The following PTPRH variants were observed in gnomAD, a reference collection of about 807,000 sequenced individuals.
The protein encoded by PTPRH is receptor-type tyrosine-protein phosphatase H.
A neutral mutation model predicts 130.2 loss-of-function variants in PTPRH; 113 were observed. The observed-to-expected ratio is 0.87, with a 90% CI of 0.75 to 1.01. PTPRH has a LOEUF of 1.01. Among genes scored for constraint, PTPRH ranks in the 50% least tolerant of loss-of-function variants. PTPRH has a pLI of 0.00. For missense variants in PTPRH, 1,430 were observed against 1,425.0 expected, an observed-to-expected ratio of 1.00 and a Z score of -0.06; for synonymous variants, 556 against 577.9, an observed-to-expected ratio of 0.96 and a Z score of 0.54.
rs780441443 is a variant in PTPRH at position 55,209,099 on chromosome 19, C to T, written c.51+284G>A. Among the ~76,000 whole-genome samples the T allele has an allele frequency of 6.6e-6, 1 of 151,944 alleles. No individual in the cohort carries two copies. Among genetic ancestry groups the T allele is most frequent in the Non-Finnish European group, 1.5e-5 (1 of 67,956 alleles). On this transcript the variant is annotated intron_variant, in intron 1 of 19. Coordinates refer to ENST00000376350, the MANE Select transcript of PTPRH (RefSeq NM_002842.5). The surrounding 1 kb of genome is among the most constrained non-coding windows in gnomAD (Gnocchi z 4.1). ...AAGCCAGTGTCCCCCGCAGCAGACACGACAGTGTCTAAGGGCCCGGGTGAA... is the reference window on the plus strand; with the variant it reads ...AAGCCAGTGTCCCCCGCAGCAGACATGACAGTGTCTAAGGGCCCGGGTGAA...
chr19:55,187,098 C>A (rs1386985355), intron 14 of PTPRH, among the ~76,000 whole-genome samples: 1 of 150,096 alleles, frequency 6.7e-6, no homozygotes, highest in East Asian at 2.0e-4. Flanking sequence ...GTAATCCCAG[C>A]ACTTTGGGAG....
In PTPRH at chr19:55,186,550, G is replaced by A. The variant is rs1230423223; in HGVS notation, c.2567-10C>T. 2 of 1,361,636 alleles carry A rather than the reference G, an allele frequency of 1.5e-6. No homozygotes were observed. Among genetic ancestry groups the A allele is most frequent in the East Asian group, 3.3e-5 (1 of 30,688 alleles). 84.3% of individuals were successfully genotyped at this position (1,361,636 alleles called of 1,614,324 possible). A position where few individuals can be genotyped will look rare whatever the true frequency, so the allele number is the denominator to read the frequency against. On this transcript the variant is annotated splice_polypyrimidine_tract_variant and intron_variant, in intron 14 of 19. Transcript: ENST00000376350. ...ACCCGGGACCAGTCATCTAGGAGAA[G>A]AGGCCAGCATTAGCCAGGCAGAGAG...
intron 12 of PTPRH, 27 bp from the exon 13 acceptor site, chr19:55,188,195 A>C (rs1167200385): frequency 5.0e-5 from 78 of 1,572,682 alleles, no homozygotes; most frequent in Non-Finnish European, 6.8e-5. Flanking sequence ...AGCAGGGAGA[A>C]AAGACCGTAA....
In PTPRH at chr19:55,187,610, A is replaced by G; in HGVS notation, c.2476-7T>C. On this transcript the variant is annotated splice_region_variant and splice_polypyrimidine_tract_variant and intron_variant, in intron 13 of 19. Transcript: ENST00000376350. ...GGCCCACCAGGGAGAGTTGCTGGGG[A>G]TGCAGGGAGAGGGGGTACCTGGTGT... 2 of 1,604,254 alleles carry G rather than the reference A, an allele frequency of 1.2e-6. No homozygotes were observed. Among genetic ancestry groups the G allele is most frequent in the Non-Finnish European group, 1.7e-6 (2 of 1,171,588 alleles).
chr19:55,200,162 G>A, intron 7 of PTPRH, 74 bp downstream of exon 7: 1 of 1,542,518 alleles, frequency 6.5e-7, no homozygotes, highest in Middle Eastern at 2.3e-4. Context: ...CCAGAGCCCA[G>A]AAGAGGTGCC....
chr19:55,185,378 A>G, intron 18 of PTPRH, 124 bp downstream of exon 18: 5 of 1,055,934 alleles, frequency 4.7e-6, no homozygotes, highest in Non-Finnish European at 6.7e-6. Context: ...TATCTTCCAC[A>G]TCCACCTCCT....
chr19:55,197,633 C>A (rs1460806127), intron 8 of PTPRH, among the ~76,000 whole-genome samples: 2 of 152,152 alleles, frequency 1.3e-5, no homozygotes, highest in African/African-American at 4.8e-5. Context: ...TGGGTCCCAC[C>A]CTGTCATCTT....
At chr19:55,195,125 G>C (rs181888563) in intron 10 of PTPRH, among the ~76,000 whole-genome samples, 20 of 152,264 alleles carry the variant, frequency 1.3e-4, no homozygotes, top group Admixed American at 6.5e-5. Flanking sequence ...AGGAGTTTGA[G>C]ACCAGCCTGG....
chr19:55,200,960 C>A (rs201456399), intron 6 of PTPRH, among the ~76,000 whole-genome samples: 11 of 99,070 alleles, frequency 1.1e-4, no homozygotes, highest in Admixed American at 7.2e-4. Flanking sequence ...ACAAAAAAAA[C>A]AAACAAAAAA....
At chr19:55,203,069 C>T (rs2086917372) in intron 5 of PTPRH, among the ~76,000 whole-genome samples, 1 of 151,690 alleles carries the variant, frequency 6.6e-6, no homozygotes, top group Non-Finnish European at 1.5e-5. Context: ...TGGCTCACGC[C>T]TGTAATCCCA....
intron 14 of PTPRH, among the ~76,000 whole-genome samples, chr19:55,187,294 G>A (rs559340889): frequency 1.6e-5 from 2 of 123,888 alleles, no homozygotes; most frequent in African/African-American, 3.3e-5. Context: ...GCAGTGAGCC[G>A]AGATCGCGCC....
chr19:55,209,295 C>T lies in PTPRH; in HGVS notation c.51+88G>A. On this transcript the variant is annotated intron_variant, in intron 1 of 19. Transcript: ENST00000376350. This position sits in a 1 kb window ranked among gnomAD's most constrained non-coding sequence, Gnocchi z 4.1. Reference sequence around the variant, plus strand: ...AGGGGATCTTCAGCACCTACTTCCTCAAGATCGAGGTGCAGGCACCCAGCT... The same window carrying T: ...AGGGGATCTTCAGCACCTACTTCCTTAAGATCGAGGTGCAGGCACCCAGCT... 1 of 1,158,748 alleles carries T rather than the reference C, an allele frequency of 8.6e-7. No homozygotes were observed. The highest frequency in any genetic ancestry group is 1.3e-5 in the South Asian group (1 of 76,134). 71.8% of individuals were successfully genotyped at this position (1,158,748 alleles called of 1,614,324 possible). A position where few individuals can be genotyped will look rare whatever the true frequency, so the allele number is the denominator to read the frequency against.
rs139889051 is a variant in PTPRH at position 55,197,284 on chromosome 19, G to A, written c.1823C>T (p.Pro608Leu). The stretch of plus-strand genomic sequence containing the variant: ...CGCTTGGGGATCTTGCCCCCTCCGG[G>A]GATGTCCCTTGCTGGCCCACTGGAC... ...YWVQWASKGH[P>L]RRGQDPQANW... Residue 608 changes from proline (P) to leucine (L), a missense_variant, in exon 9 of 20, where the codon CCC (proline) becomes CTC (leucine). By Grantham distance (98) the Pro-to-Leu change is moderately conservative. Coordinates refer to ENST00000376350, the MANE Select transcript of PTPRH (RefSeq NM_002842.5). 76 of 1,614,230 alleles carry A rather than the reference G, an allele frequency of 4.7e-5. No individual in the cohort carries two copies. In the African/African-American group the frequency reaches 9.2e-4, roughly 20 times the overall value.
intron 6 of PTPRH, 110 bp from the exon 7 acceptor site, chr19:55,200,612 G>A: frequency 8.5e-7 from 1 of 1,179,348 alleles, no homozygotes; most frequent in Non-Finnish European, 1.2e-6. Context: ...AACTGCTGGT[G>A]CCAGCAGATG....
At chr19:55,193,695 G>A (rs369374732) in intron 10 of PTPRH, among the ~76,000 whole-genome samples, 21 of 152,240 alleles carry the variant, frequency 1.4e-4, no homozygotes, top group African/African-American at 4.3e-4. Context: ...GTGCCGAGGC[G>A]GGGGAAACAC....
intron 3 of PTPRH, 120 bp downstream of exon 3, chr19:55,206,569 G>C (rs555193904): frequency 2.5e-4 from 261 of 1,039,062 alleles, no homozygotes; most frequent in Non-Finnish European, 3.2e-4. Flanking sequence ...AAATTCTCAC[G>C]TGTGGCTTCC....
chr19:55,185,640 G>C lies in PTPRH; in HGVS notation c.2924C>G (p.Ser975Cys). Residue 975 changes from serine (S) to cysteine (C), a missense_variant, in exon 18 of 20, where the codon TCT becomes TGT. Coordinates refer to ENST00000376350, the MANE Select transcript of PTPRH (RefSeq NM_002842.5). ...GGCCTGGTAGTGGAATTGGCGCACA[G>C]ACAGTGTCTTCTGCTCCTCCACCTG... ...LLQVEEQKTL[S>C]VRQFHYQAWP... 6.2e-7 allele frequency: 1 copy of C among 1,614,144 alleles called. No individual in the cohort carries two copies. The highest frequency in any genetic ancestry group is 8.5e-7 in the Non-Finnish European group (1 of 1,179,998).
In PTPRH at chr19:55,206,678, C is replaced by G. The variant is rs769907037; in HGVS notation, c.352+11G>C. 5.7e-6 allele frequency: 9 copies of G among 1,573,186 alleles called. No individual in the cohort carries two copies. The Admixed American group carries it at 1.6e-4, about 28-fold the overall frequency. ...AAAAGAAATAAAAATAAAGCAGTGG[C>G]TGCCTCTTACCTGTGGCAGTAGTGA... On this transcript the variant is annotated intron_variant, in intron 3 of 19. Transcript: ENST00000376350.
chr19:55,187,801 C>T (rs114598811), intron 13 of PTPRH, among the ~76,000 whole-genome samples, 198 bp from the exon 14 acceptor site: 2,645 of 152,028 alleles, frequency 0.017, 81 homozygotes, highest in African/African-American at 0.06. Context: ...TTTAGGGAAC[C>T]ATGGGACTTC....
Sources: allele counts gnomAD v4.1 joint callset (sites outside exome capture counted in the v4.1 genomes callset), GRCh38; gene constraint gnomAD v4.1.1; non-coding constraint Gnocchi (gnomAD v3.1); transcripts MANE v1.5; gene names NCBI Gene and HGNC (gene_info 2026-07-23, HGNC 2026-07-21).